Variants in LHFPL3 observed in about 807,000 individuals in gnomAD.
LHFPL3 encodes LHFPL tetraspan subfamily member 3, also known as LHFPL tetraspan subfamily member 3 protein.
LHFPL3 carries 5 observed loss-of-function variants against 19.3 expected under a neutral mutation model. That is an observed-to-expected ratio of 0.26 (90% CI 0.14 to 0.54). The LOEUF (loss-of-function observed/expected upper bound fraction) is 0.54. Among genes scored for constraint, LHFPL3 ranks in the 20% least tolerant of loss-of-function variants. The probability of loss-of-function intolerance (pLI) is 0.94; values close to 1 mark genes in which losing one functional copy is unlikely to be tolerated. For missense variants in LHFPL3, 249 were observed against 307.4 expected, an observed-to-expected ratio of 0.81 and a Z score of 1.42; for synonymous variants, 133 against 126.2, an observed-to-expected ratio of 1.05 and a Z score of -0.36.
At chr7:104,454,909 C>T (rs1483858132) in intron 1 of LHFPL3, among the ~76,000 whole-genome samples, 5 of 152,048 alleles carry the variant, frequency 3.3e-5, no homozygotes, top group Non-Finnish European at 4.4e-5. Flanking sequence ...AAATGCTGTT[C>T]TTTGTTACCA....
At chr7:104,768,227 G>A (rs1393201560) in intron 2 of LHFPL3, among the ~76,000 whole-genome samples, 10 of 151,672 alleles carry the variant, frequency 6.6e-5, no homozygotes, top group African/African-American at 2.4e-4. Flanking sequence ...TTATCTTCAT[G>A]TTCTATGTCG....
chr7:104,430,455 T>TACA (rs1491561052), intron 1 of LHFPL3, among the ~76,000 whole-genome samples: 3 of 11,398 alleles, frequency 2.6e-4, no homozygotes, highest in Non-Finnish European at 4.4e-4. Context: ...TATATATATA[T>TACA]TTTTTTTTTT....
intron 1 of LHFPL3, among the ~76,000 whole-genome samples, chr7:104,679,189 A>C (rs1253512627): frequency 6.6e-6 from 1 of 152,228 alleles, no homozygotes. Flanking sequence ...ATCCACTTCC[A>C]ATATGGCTGT....
At chr7:104,867,860 C>T (rs1172521609) in intron 2 of LHFPL3, among the ~76,000 whole-genome samples, 1 of 152,204 alleles carries the variant, frequency 6.6e-6, no homozygotes. Context: ...TCCAGCAGCA[C>T]ACCAAAAAGC....
At chr7:104,360,694 CGTGTGTGT>C (rs61216282) in intron 1 of LHFPL3, among the ~76,000 whole-genome samples, 5,674 of 144,386 alleles carry the variant, frequency 0.039, 249 homozygotes, top group African/African-American at 0.11. Context: ...AAAGTGCTTC[CGTGTGTGT>C]GTGTGTGTGT....
intron 1 of LHFPL3, among the ~76,000 whole-genome samples, chr7:104,705,286 A>T (rs1305100519): frequency 6.6e-6 from 1 of 152,004 alleles, no homozygotes; most frequent in Non-Finnish European, 1.5e-5. Flanking sequence ...TAATATTTAC[A>T]TTTTAAGTCT....
At chr7:104,372,056 A>T (rs553539766) in intron 1 of LHFPL3, among the ~76,000 whole-genome samples, 1 of 152,296 alleles carries the variant, frequency 6.6e-6, no homozygotes, top group Non-Finnish European at 1.5e-5. Context: ...GTCCTTTTGG[A>T]ACCATTGCCT....
chr7:104,903,700 A>G (rs1328870759), intron 2 of LHFPL3, among the ~76,000 whole-genome samples: 1 of 152,128 alleles, frequency 6.6e-6, no homozygotes, highest in Non-Finnish European at 1.5e-5. Context: ...TCCTGACCTC[A>G]AGTGATCTGC....
intron 1 of LHFPL3, among the ~76,000 whole-genome samples, chr7:104,398,895 C>T (rs1791252493): frequency 1.3e-5 from 2 of 152,170 alleles, no homozygotes; most frequent in Admixed American, 6.5e-5. Flanking sequence ...CATATCACAA[C>T]TCCTATCATG....
intron 1 of LHFPL3, among the ~76,000 whole-genome samples, chr7:104,698,686 G>A (rs1408583650): frequency 6.6e-6 from 1 of 152,178 alleles, no homozygotes; most frequent in Non-Finnish European, 1.5e-5. Context: ...ATAGGTGAAT[G>A]GGTAAAATAC....
In LHFPL3 at chr7:104,603,170, T is replaced by C. The variant is rs558858329; in HGVS notation, c.446-133505T>C. On this transcript the variant is annotated intron_variant, in intron 1 of 2. Transcript: ENST00000424859. ...TCCTTCCTTCCTTCCTTCCTTTCTTTCTTTCTTTCTTTCTTCCTTTCTTTC... is the reference window on the plus strand; with the variant it reads ...TCCTTCCTTCCTTCCTTCCTTTCTTCCTTTCTTTCTTTCTTCCTTTCTTTC... 2.8e-3 allele frequency among the ~76,000 whole-genome samples: 408 copies of C among 145,972 alleles called. 8 individuals are homozygous for C. Among genetic ancestry groups the C allele is most frequent in the African/African-American group, 0.01 (388 of 37,454 alleles).
At chr7:104,449,929 T>G (rs551536355) in intron 1 of LHFPL3, among the ~76,000 whole-genome samples, 1 of 152,336 alleles carries the variant, frequency 6.6e-6, no homozygotes, top group African/African-American at 2.4e-5. Context: ...TGGTGACACA[T>G]GAAGAGGTCA....
At chr7:104,668,549 T>C (rs1335030027) in intron 1 of LHFPL3, 1 of 1,612,968 alleles carries the variant, frequency 6.2e-7, no homozygotes, top group Non-Finnish European at 8.5e-7. Context: ...GAGGCTATGA[T>C]TCCCGGATAG....
chr7:104,668,256 G>T lies in LHFPL3; in HGVS notation c.446-68419G>T. The T allele has an allele frequency of 4.3e-6, 7 of 1,611,510 alleles. No individual in the cohort carries two copies. The South Asian group carries it at 4.4e-5, about 10-fold the overall frequency. The stretch of plus-strand genomic sequence containing the variant: ...AAGTAACAGGAGAATTCGAGTGGAC[G>T]TTGCTGATCAAGCACTGGATAAAGA... On this transcript the variant is annotated intron_variant, in intron 1 of 2. Coordinates refer to ENST00000424859, the MANE Select transcript of LHFPL3 (RefSeq NM_199000.3).
At chr7:104,781,428 A>G (rs1272373308) in intron 2 of LHFPL3, among the ~76,000 whole-genome samples, 1 of 151,764 alleles carries the variant, frequency 6.6e-6, no homozygotes, top group Non-Finnish European at 1.5e-5. Context: ...GTGTCAGCCA[A>G]ATTCCTCTGC....
At chr7:104,756,942 G>C (rs971479172) in intron 2 of LHFPL3, among the ~76,000 whole-genome samples, 1 of 152,134 alleles carries the variant, frequency 6.6e-6, no homozygotes, top group African/African-American at 2.4e-5. Flanking sequence ...AAATTTAAAT[G>C]TGCCTTTAAT....
chr7:104,574,376 A>G (rs577824657), intron 1 of LHFPL3, among the ~76,000 whole-genome samples: 1 of 152,194 alleles, frequency 6.6e-6, no homozygotes, highest in Non-Finnish European at 1.5e-5. Context: ...AAAGTCCTAT[A>G]ATATCATTAA....
intron 2 of LHFPL3, among the ~76,000 whole-genome samples, chr7:104,885,453 A>T (rs1792129703): frequency 6.6e-6 from 1 of 152,052 alleles, no homozygotes; most frequent in Admixed American, 6.6e-5. Flanking sequence ...CTTGTTCCCC[A>T]TCTCAGTAAA....
chr7:104,414,091 T>A (rs1008964604), intron 1 of LHFPL3, among the ~76,000 whole-genome samples: 2 of 149,412 alleles, frequency 1.3e-5, no homozygotes, highest in African/African-American at 4.9e-5. Flanking sequence ...CCTCATTATT[T>A]CAGTGAAAAA....
Sources: gnomAD v4.1 joint callset for allele counts (sites outside exome capture counted in the v4.1 genomes callset) on GRCh38, gnomAD v4.1.1 for gene constraint, MANE v1.5 for transcripts, NCBI Gene and HGNC (gene_info 2026-07-23, HGNC 2026-07-21) for gene names.